PADI6: variants seen among roughly 807,000 people sequenced by gnomAD.
PADI6 encodes inactive protein-arginine deiminase type-6.
Under a neutral mutation model 78.2 loss-of-function variants are expected in PADI6, and 66 were observed. The observed-to-expected ratio is 0.84, with a 90% CI of 0.69 to 1.04. PADI6 has a LOEUF of 1.04. Among genes scored for constraint, PADI6 ranks in the 50% least tolerant of loss-of-function variants. The pLI, the probability that PADI6 is intolerant of heterozygous loss-of-function variation, is 0.00. For missense variants in PADI6, 854 were observed against 866.1 expected, an observed-to-expected ratio of 0.99 and a Z score of 0.18; for synonymous variants, 397 against 346.9, an observed-to-expected ratio of 1.14 and a Z score of -1.60.
chr1:17,384,946 G>A (rs978680462), intron 6 of PADI6, among the ~76,000 whole-genome samples: 2 of 152,234 alleles, frequency 1.3e-5, no homozygotes, highest in South Asian at 4.1e-4. Flanking sequence ...GCAGTCGAGC[G>A]TGTCTGAAGC....
At chr1:17,399,983 C>T (rs1400767648) in intron 15 of PADI6, among the ~76,000 whole-genome samples, 1 of 151,484 alleles carries the variant, frequency 6.6e-6, no homozygotes, top group Non-Finnish European at 1.5e-5. Context: ...TGCAGTGAGC[C>T]AAGATTGCAC....
intron 15 of PADI6, among the ~76,000 whole-genome samples, chr1:17,399,355 T>C (rs957154085): frequency 6.6e-6 from 1 of 152,028 alleles, no homozygotes; most frequent in Non-Finnish European, 1.5e-5. Context: ...TCCCAACACT[T>C]TGGGAGGCCG....
intron 13 of PADI6, among the ~76,000 whole-genome samples, chr1:17,396,340 C>G (rs562867270): frequency 6.6e-6 from 1 of 152,106 alleles, no homozygotes; most frequent in Non-Finnish European, 1.5e-5. Flanking sequence ...GAGCTAAGAT[C>G]GTGCCATTGC....
Position 17,401,187 on chromosome 1 carries a change from AC to A in PADI6, c.1852-15del. On this transcript the variant is annotated splice_polypyrimidine_tract_variant and intron_variant, in intron 15 of 15. Transcript: ENST00000619609. ...TCTGATCCCTGTCCAGGCCTCACCC[AC>A]CCTGTCTTTCTAACAGTTGCGGATG... 1 of 1,612,218 alleles carries A rather than the reference AC, an allele frequency of 6.2e-7. No individual in the cohort carries two copies. Among genetic ancestry groups the A allele is most frequent in the Non-Finnish European group, 8.5e-7 (1 of 1,178,562 alleles).
intron 6 of PADI6, among the ~76,000 whole-genome samples, chr1:17,387,460 G>GA (rs1056512795): frequency 2.1e-5 from 3 of 143,236 alleles, no homozygotes; most frequent in South Asian, 4.3e-4. Context: ...AGAAAAGGAG[G>GA]GGGGGGGGCC....
At chr1:17,375,975 C>CTTTTTT (rs575076756) in intron 3 of PADI6, among the ~76,000 whole-genome samples, 10 of 150,234 alleles carry the variant, frequency 6.7e-5, no homozygotes, top group African/African-American at 2.2e-4. Context: ...ATAACATCTA[C>CTTTTTT]TTTTTTTTTC....
chr1:17,372,333 G>A lies in PADI6; in HGVS notation c.88G>A (p.Gly30Ser). The change falls in exon 1 of 16, where the codon GGC becomes AGC. Residue 30 changes from glycine to serine, a missense_variant. Gly to Ser is a moderately conservative substitution (Grantham distance 56). Coordinates refer to ENST00000619609, the MANE Select transcript of PADI6 (RefSeq NM_207421.4). The stretch of plus-strand genomic sequence containing the variant: ...CCCTGTCCATGCCGTTTGTGTGTTG[G>A]GCACAGAAATCTGCTTGGATCTCAG... Reference protein sequence around the residue: ...DSPVHAVCVLGTEICLDLSGC... With the variant: ...DSPVHAVCVLSTEICLDLSGC... 6.2e-7 allele frequency: 1 copy of A among 1,613,972 alleles called. No homozygotes were observed. The highest frequency in any genetic ancestry group is 8.5e-7 in the Non-Finnish European group (1 of 1,179,872).
At position 17,393,907 on chromosome 1, in the gene PADI6, C is replaced by A. The variant is rs550603605; in HGVS notation, c.1075-68C>A. The A allele has an allele frequency of 7.8e-5, 111 of 1,425,934 alleles. No individual in the cohort carries two copies. In the African/African-American group the frequency reaches 1.4e-3, roughly 18 times the overall value. 88.3% of individuals were successfully genotyped at this position (1,425,934 alleles called of 1,614,324 possible). On this transcript the variant is annotated intron_variant, in intron 9 of 15. Coordinates refer to ENST00000619609, the MANE Select transcript of PADI6 (RefSeq NM_207421.4). ...AGGAAGGAAGGGGGTTCTTACCGTA[C>A]CTTTTCCGTAAATGGGGTCCGGGGA...
intron 13 of PADI6, among the ~76,000 whole-genome samples, chr1:17,396,569 C>T (rs1000835476): frequency 6.6e-6 from 1 of 152,160 alleles, no homozygotes; most frequent in Non-Finnish European, 1.5e-5. Flanking sequence ...CCGGGAACTC[C>T]TGGTCATAGA....
intron 6 of PADI6, among the ~76,000 whole-genome samples, chr1:17,387,068 GCA>G (rs762798753): frequency 2.4e-4 from 36 of 152,192 alleles, no homozygotes; most frequent in Non-Finnish European, 4.7e-4. Flanking sequence ...GCCACATCGG[GCA>G]CAGATAGAGG....
At chr1:17,384,029 A>G (rs1263879506) in intron 6 of PADI6, among the ~76,000 whole-genome samples, 1 of 151,870 alleles carries the variant, frequency 6.6e-6, no homozygotes, top group Admixed American at 6.6e-5. Flanking sequence ...ATATACCTAT[A>G]ATCCCAACTA....
chr1:17,380,936 C>A, intron 4 of PADI6, 111 bp from the exon 5 acceptor site: 1 of 846,422 alleles, frequency 1.2e-6, no homozygotes. Flanking sequence ...TTCCATGGGT[C>A]CCTGTACCCT....
At chr1:17,382,537 C>A (rs1324253945) in intron 6 of PADI6, among the ~76,000 whole-genome samples, 3 of 152,198 alleles carry the variant, frequency 2.0e-5, no homozygotes, top group Admixed American at 2.0e-4. Context: ...GCCACGGTAG[C>A]ACCTGCATCC....
Position 17,398,672 on chromosome 1 carries a change from C to CCACCCACCCACCCACG in PADI6, c.1690-3_1690-2insCCACGCACCCACCCAC, listed in dbSNP as rs755037581. 7.0e-6 allele frequency: 2 copies of CCACCCACCCACCCACG among 284,802 alleles called. No individual in the cohort carries two copies. Among genetic ancestry groups the CCACCCACCCACCCACG allele is most frequent in the African/African-American group, 5.2e-5 (2 of 38,666 alleles). The allele number at this position is 284,802 out of a possible 1,614,324, so 17.6% of individuals were successfully genotyped here. On this transcript the variant is annotated splice_polypyrimidine_tract_variant and intron_variant, in intron 14 of 15. Transcript: ENST00000619609. The stretch of plus-strand genomic sequence containing the variant: ...CTCCCCCGCCCCCCCCCCCACCCAC[C>CCACCCACCCACCCACG]CACCCACCCACAGAAGTGCATTCAC...
chr1:17,381,826 C>T, intron 5 of PADI6, 141 bp from the exon 6 acceptor site: 2 of 925,472 alleles, frequency 2.2e-6, no homozygotes, highest in South Asian at 1.5e-5. Flanking sequence ...AATGGTAATT[C>T]TTCGGGCCTG....
rs1051706298 is a variant in PADI6, at chr1:17,395,514, C to G, written c.1495-26C>G. ...CACCATGTCCAGCTGAGAAAGCTGG[C>G]TTCTGACCCAAGTTCTGTTTCCCAG... is the stretch of plus-strand genomic sequence containing the variant. On this transcript the variant is annotated intron_variant, in intron 12 of 15. Coordinates refer to ENST00000619609, the MANE Select transcript of PADI6 (RefSeq NM_207421.4). The G allele has an allele frequency of 7.1e-6, 11 of 1,547,832 alleles. No individual in the cohort carries two copies. The Admixed American group carries it at 2.2e-4, about 30-fold the overall frequency.
In PADI6 at chr1:17,394,748, C is replaced by T. The variant is rs146808583; in HGVS notation, c.1338-203C>T. ...ATAAATCCAAAATGATACTTGTGCCCGGGCTTGTCTGTCTAGAAACACTAG... is the reference window on the plus strand; with the variant it reads ...ATAAATCCAAAATGATACTTGTGCCTGGGCTTGTCTGTCTAGAAACACTAG... On this transcript the variant is annotated intron_variant, in intron 11 of 15. Transcript: ENST00000619609. Among the ~76,000 whole-genome samples the T allele has an allele frequency of 5.5e-3, 839 of 152,202 alleles. 7 individuals carry two copies. Among genetic ancestry groups the T allele is most frequent in the African/African-American group, 0.015 (633 of 41,524 alleles).
intron 8 of PADI6, among the ~76,000 whole-genome samples, chr1:17,391,642 C>G (rs2100314825): frequency 6.6e-6 from 1 of 152,326 alleles, no homozygotes; most frequent in African/African-American, 2.4e-5. Flanking sequence ...GCTCAAGACC[C>G]ACCCAACGCC....
chr1:17,376,504 T>A (rs2075018431), intron 3 of PADI6, among the ~76,000 whole-genome samples: 1 of 150,924 alleles, frequency 6.6e-6, no homozygotes, highest in Non-Finnish European at 1.5e-5. Context: ...TTTTTTATTT[T>A]TAGTGGGCTA....
Sources: gnomAD v4.1 joint callset for allele counts (sites outside exome capture counted in the v4.1 genomes callset) on GRCh38, gnomAD v4.1.1 for gene constraint, MANE v1.5 for transcripts, NCBI Gene and HGNC (gene_info 2026-07-23, HGNC 2026-07-21) for gene names.